The following PDE5A variants were observed in gnomAD, a reference collection of about 807,000 sequenced individuals.
PDE5A encodes cGMP-specific 3',5'-cyclic phosphodiesterase.
In PDE5A, 67 loss-of-function variants were observed where a neutral mutation model predicts 110.2. The observed-to-expected ratio is 0.61, with a 90% CI of 0.50 to 0.75. The LOEUF (loss-of-function observed/expected upper bound fraction) is 0.75. Among genes scored for constraint, PDE5A ranks in the 30% least tolerant of loss-of-function variants. The pLI is 0.00. For synonymous variants in PDE5A, 328 were observed against 351.2 expected (o/e 0.93, Z 0.74); for missense variants, 862 against 1,045.1 (o/e 0.82, Z 2.42).
At chr4:119,558,805 T>C (rs1464180808) in intron 7 of PDE5A, among the ~76,000 whole-genome samples, 1 of 149,608 alleles carries the variant, frequency 6.7e-6, no homozygotes, top group Admixed American at 6.7e-5. Context: ...TAGTCCCAGC[T>C]ACTTGGGAGG....
rs140995705 is a variant in PDE5A at position 119,552,552 on chromosome 4, A to G, written c.1394T>C (p.Ile465Thr). 17 of 1,409,924 alleles carry G rather than the reference A, an allele frequency of 1.2e-5. No individual in the cohort carries two copies. The highest frequency in any genetic ancestry group is 7.4e-5 in the African/African-American group (5 of 67,988). 87.3% of individuals were successfully genotyped at this position (1,409,924 alleles called of 1,614,324 possible). A position where few individuals can be genotyped will look rare whatever the true frequency, so the allele number is the denominator to read the frequency against. ...ATAGGTTAAAGGAAAGGTTTTACCTATAACTTTATTCTTCTTTCCATTTTT... is the reference window on the plus strand; with the variant it reads ...ATAGGTTAAAGGAAAGGTTTTACCTGTAACTTTATTCTTCTTTCCATTTTT... ...PIKNGKKNKV[I>T]GVCQLVNKME... Residue 465 changes from isoleucine to threonine, a missense_variant and splice_region_variant, in exon 9 of 21, where the codon ATA (isoleucine) becomes ACA (threonine). Physicochemically the swap from Ile to Thr is moderately conservative, Grantham distance 89. Coordinates refer to ENST00000354960, the MANE Select transcript of PDE5A (RefSeq NM_001083.4).
At chr4:119,562,463 A>G (rs1195453649) in intron 6 of PDE5A, among the ~76,000 whole-genome samples, 1 of 151,674 alleles carries the variant, frequency 6.6e-6, no homozygotes, top group Non-Finnish European at 1.5e-5. Flanking sequence ...CTGCCTGTTC[A>G]TAGCAACTAG....
At chr4:119,520,333 A>T (rs1578738806) in intron 13 of PDE5A, among the ~76,000 whole-genome samples, 1 of 152,120 alleles carries the variant, frequency 6.6e-6, no homozygotes, top group East Asian at 1.9e-4. Flanking sequence ...ATTCCCACTG[A>T]AGTTAGAATC....
intron 10 of PDE5A, among the ~76,000 whole-genome samples, chr4:119,539,389 G>A (rs1255761344): frequency 6.6e-6 from 1 of 150,482 alleles, no homozygotes; most frequent in Non-Finnish European, 1.5e-5. Context: ...ATTTCTGCTT[G>A]TGTACAGAAT....
chr4:119,596,783 A>T (rs1200033936), intron 2 of PDE5A, among the ~76,000 whole-genome samples, 171 bp from the exon 3 acceptor site: 1 of 152,148 alleles, frequency 6.6e-6, no homozygotes, highest in East Asian at 1.9e-4. Context: ...ATATTTGACA[A>T]AGATAAATTG....
chr4:119,596,464 T>G, intron 3 of PDE5A, 59 bp downstream of exon 3: 1 of 909,442 alleles, frequency 1.1e-6, no homozygotes, highest in South Asian at 1.7e-5. Context: ...AAATACAAAA[T>G]ATTTTTCAAA....
At chr4:119,511,844 T>C (rs1302410596) in intron 14 of PDE5A, among the ~76,000 whole-genome samples, 1 of 152,128 alleles carries the variant, frequency 6.6e-6, no homozygotes, top group Non-Finnish European at 1.5e-5. Flanking sequence ...CAGTTCATTA[T>C]ATCTCTGAGA....
At chr4:119,562,313 T>C (rs1727770651) in intron 6 of PDE5A, among the ~76,000 whole-genome samples, 4 of 152,196 alleles carry the variant, frequency 2.6e-5, no homozygotes, top group Admixed American at 2.6e-4. Flanking sequence ...AACAGCTTAG[T>C]GGTTTTCCAC....
chr4:119,504,519 G>C lies in PDE5A; in HGVS notation c.2331+17C>G. On this transcript the variant is annotated intron_variant, in intron 18 of 20. Transcript: ENST00000354960. Reference sequence around the variant, plus strand: ...TTTTGACTTTTTAATTATTGTTATTGTCACTAAGTAACATACCCGTTGTTG... The same window carrying C: ...TTTTGACTTTTTAATTATTGTTATTCTCACTAAGTAACATACCCGTTGTTG... 2 of 1,591,608 alleles carry C rather than the reference G, an allele frequency of 1.3e-6. No homozygotes were observed.
Position 119,565,364 on chromosome 4 carries a change from G to C in PDE5A, c.950C>G (p.Ala317Gly). The C allele has an allele frequency of 6.2e-7, 1 of 1,612,442 alleles. No individual in the cohort carries two copies. The highest frequency in any genetic ancestry group is 8.5e-7 in the Non-Finnish European group (1 of 1,178,912). Residue 317 changes from alanine to glycine, a missense_variant, in exon 5 of 21, where the codon GCT becomes GGT. Coordinates refer to ENST00000354960, the MANE Select transcript of PDE5A (RefSeq NM_001083.4). Reference protein sequence around the residue: ...LAFCGIVLHNAQLYETSLLEN... With the variant: ...LAFCGIVLHNGQLYETSLLEN... Reference sequence around the variant, plus strand: ...CAGCAGTGAAGTCTCATAGAGCTGAGCATTATGAAGAACAATACCACAAAA... The same window carrying C: ...CAGCAGTGAAGTCTCATAGAGCTGACCATTATGAAGAACAATACCACAAAA...
intron 3 of PDE5A, among the ~76,000 whole-genome samples, chr4:119,588,726 G>A (rs28412979): frequency 0.78 from 117,881 of 152,036 alleles, 45,861 homozygotes; most frequent in East Asian, 0.89. Context: ...CAATTTATGA[G>A]TTTCGGTAGG....
In PDE5A at chr4:119,507,639, T is replaced by G. The variant is rs918516625; in HGVS notation, c.2154A>C (p.Gln718His). The G allele has an allele frequency of 7.6e-6, 12 of 1,582,110 alleles. No homozygotes were observed. The highest frequency in any genetic ancestry group is 9.4e-6 in the Non-Finnish European group (11 of 1,168,872). The change falls in exon 16 of 21, where the codon CAA (glutamine) becomes CAC (histidine). Residue 718 changes from glutamine to histidine, a missense_variant. Transcript: ENST00000354960. ...GTGCTAGGTCTGTAGCTAAAATAGC[T>G]TGCTTGATTATTTTCAACGTGGTCT... ...EYKTTLKIIKQAILATDLALY... is the reference protein window; with the variant it reads ...EYKTTLKIIKHAILATDLALY...
intron 15 of PDE5A, among the ~76,000 whole-genome samples, chr4:119,509,751 T>G (rs1424025306): frequency 2.0e-5 from 3 of 152,064 alleles, no homozygotes; most frequent in Non-Finnish European, 4.4e-5. Flanking sequence ...ATAAGGAGGT[T>G]GCCAAAACAG....
At chr4:119,518,967 T>C in intron 14 of PDE5A, 78 bp downstream of exon 14, 2 of 936,490 alleles carry the variant, frequency 2.1e-6, no homozygotes, top group Non-Finnish European at 3.4e-6. Context: ...CATCAAATTT[T>C]GCTGTGGCTT....
At chr4:119,518,088 C>A (rs1026322336) in intron 14 of PDE5A, among the ~76,000 whole-genome samples, 2 of 152,186 alleles carry the variant, frequency 1.3e-5, no homozygotes, top group African/African-American at 4.8e-5. Context: ...CACTACAATT[C>A]TTTCTACATG....
At chr4:119,610,483 C>G (rs768581251) in intron 1 of PDE5A, among the ~76,000 whole-genome samples, 16 of 152,096 alleles carry the variant, frequency 1.1e-4, no homozygotes, top group Non-Finnish European at 7.3e-5. Context: ...TATTTCTTAT[C>G]TTCTCAACGG....
chr4:119,537,713 G>A (rs987603760), intron 11 of PDE5A, among the ~76,000 whole-genome samples: 2 of 151,656 alleles, frequency 1.3e-5, no homozygotes, highest in Non-Finnish European at 2.9e-5. Context: ...CTCATCGCTT[G>A]AGTCCTGCCT....
intron 9 of PDE5A, chr4:119,549,348 A>G (rs753919285): frequency 1.3e-5 from 2 of 152,248 alleles, no homozygotes; most frequent in African/African-American, 4.8e-5. Flanking sequence ...AAAGTGTAAG[A>G]GACTTAGAAA....
At chr4:119,517,326 T>C (rs1725945370) in intron 14 of PDE5A, among the ~76,000 whole-genome samples, 1 of 152,116 alleles carries the variant, frequency 6.6e-6, no homozygotes, top group Non-Finnish European at 1.5e-5. Flanking sequence ...CATGGGAATA[T>C]TTATGGTACT....
Sources: allele counts gnomAD v4.1 joint callset (sites outside exome capture counted in the v4.1 genomes callset), GRCh38; gene constraint gnomAD v4.1.1; transcripts MANE v1.5; gene names NCBI Gene and HGNC (gene_info 2026-07-23, HGNC 2026-07-21).